The following PCDH9 variants were observed in gnomAD, a reference collection of about 807,000 sequenced individuals.
PCDH9 encodes protocadherin-9.
PCDH9 carries 24 observed loss-of-function variants against 70.6 expected under a neutral mutation model. The ratio of observed to expected loss-of-function variants is 0.34; its 90% confidence interval spans 0.25 to 0.48. The LOEUF is 0.48. PCDH9 is among the 20% of genes least tolerant of loss of function. The probability of loss-of-function intolerance (pLI) is 0.99; values close to 1 mark genes in which losing one functional copy is unlikely to be tolerated. For missense variants in PCDH9, 1,281 were observed against 1,503.6 expected (o/e 0.85, Z 2.45); for synonymous variants, 562 against 558.5 (o/e 1.01, Z -0.09).
In PCDH9 at chr13:66,631,340, G is replaced by A; in HGVS notation, c.3210C>T (p.Asp1070=). The change falls in exon 4 of 5, where the codon GAC becomes GAT. Residue 1070 remains aspartate (D), a synonymous_variant. Coordinates refer to ENST00000377865, the MANE Select transcript of PCDH9 (RefSeq NM_203487.3). ...QESCSDSGLG[D]HEPVGSGTLI... ...GGGTTCCACTACCCACCGGCTCATG[G>A]TCTCCTAGACCACTGTCACTGCAGC... is the stretch of plus-strand genomic sequence containing the variant. 6.2e-7 allele frequency: 1 copy of A among 1,609,786 alleles called. No homozygotes were observed. Among genetic ancestry groups the A allele is most frequent in the Non-Finnish European group, 8.5e-7 (1 of 1,176,082 alleles).
chr13:66,918,422 C>A (rs1007513343), intron 2 of PCDH9, among the ~76,000 whole-genome samples: 1 of 151,228 alleles, frequency 6.6e-6, no homozygotes, highest in Non-Finnish European at 1.5e-5. Context: ...ATAATTGTAA[C>A]ATTATACATT....
At chr13:66,981,437 CAAAA>C (rs372208244) in intron 2 of PCDH9, among the ~76,000 whole-genome samples, 3 of 78,814 alleles carry the variant, frequency 3.8e-5, no homozygotes, top group Non-Finnish European at 5.0e-5. Flanking sequence ...GACTCCCTCT[CAAAA>C]AAAAAAAAAA....
At chr13:66,555,921 A>T (rs1490168112) in intron 4 of PCDH9, among the ~76,000 whole-genome samples, 1 of 148,240 alleles carries the variant, frequency 6.7e-6, no homozygotes, top group Admixed American at 6.8e-5. Context: ...TACATATTAT[A>T]TACATAAGAT....
intron 2 of PCDH9, among the ~76,000 whole-genome samples, chr13:67,003,856 T>A (rs892623349): frequency 6.6e-6 from 1 of 152,192 alleles, no homozygotes; most frequent in Admixed American, 6.5e-5. Flanking sequence ...GCCTTTATTT[T>A]AAAAAATAGT....
intron 4 of PCDH9, among the ~76,000 whole-genome samples, chr13:66,623,251 C>T (rs1375612724): frequency 6.6e-6 from 1 of 152,240 alleles, no homozygotes; most frequent in Non-Finnish European, 1.5e-5. Context: ...ATTTCTCAAG[C>T]TTCTTAAAGA....
Position 67,009,955 on chromosome 13 carries a change from T to C in PCDH9, c.3037-106350A>G, listed in dbSNP as rs1000892772. Among the ~76,000 whole-genome samples the C allele has an allele frequency of 2.0e-5, 3 of 152,160 alleles. 1 individual carries two copies. Among genetic ancestry groups the C allele is most frequent in the South Asian group, 4.1e-4 (2 of 4,828 alleles). The stretch of plus-strand genomic sequence containing the variant: ...AATGTAAGGAGCATGTGACTGTCTC[T>C]AAAGAGTCCAAATATAAAATCCTTT... On this transcript the variant is annotated intron_variant, in intron 2 of 4. Coordinates refer to ENST00000377865, the MANE Select transcript of PCDH9 (RefSeq NM_203487.3).
chr13:67,002,619 G>A (rs2084267939), intron 2 of PCDH9, among the ~76,000 whole-genome samples: 1 of 151,110 alleles, frequency 6.6e-6, no homozygotes, highest in African/African-American at 2.4e-5. Context: ...AATGATCTCT[G>A]TTTTGTTTCC....
At chr13:66,689,388 C>T (rs1407870210) in intron 3 of PCDH9, among the ~76,000 whole-genome samples, 2 of 151,980 alleles carry the variant, frequency 1.3e-5, no homozygotes, top group East Asian at 1.9e-4. Context: ...ACAGCGTTGG[C>T]GGTGGAAACG....
chr13:66,404,881 G>C (rs1158646818), intron 4 of PCDH9, among the ~76,000 whole-genome samples: 1 of 151,940 alleles, frequency 6.6e-6, no homozygotes, highest in Non-Finnish European at 1.5e-5. Context: ...GGGAATTGTA[G>C]AAACATTCCT....
intron 4 of PCDH9, chr13:66,630,598 T>C (rs1593806538): frequency 1.3e-5 from 2 of 152,234 alleles, no homozygotes; most frequent in African/African-American, 4.8e-5. Flanking sequence ...TCCCTCAGCA[T>C]AGTAGTAAAA....
At chr13:66,633,527 G>A (rs2077598820) in intron 3 of PCDH9, among the ~76,000 whole-genome samples, 1 of 152,056 alleles carries the variant, frequency 6.6e-6, no homozygotes, top group South Asian at 2.1e-4. Context: ...GATAAAGACT[G>A]TACTAGGAAC....
At chr13:67,160,949 A>C (rs2087941371) in intron 2 of PCDH9, among the ~76,000 whole-genome samples, 1 of 152,254 alleles carries the variant, frequency 6.6e-6, no homozygotes, top group Non-Finnish European at 1.5e-5. Context: ...TCTGAAATGC[A>C]AGTAGCATGG....
chr13:66,987,716 ATAAT>A (rs1254242119), intron 2 of PCDH9, among the ~76,000 whole-genome samples: 4 of 151,900 alleles, frequency 2.6e-5, no homozygotes, highest in African/African-American at 9.7e-5. Context: ...TTTATTTTAA[ATAAT>A]AATTATCAGA....
intron 3 of PCDH9, among the ~76,000 whole-genome samples, chr13:66,862,160 A>T (rs1177838388): frequency 6.6e-6 from 1 of 152,222 alleles, no homozygotes; most frequent in Admixed American, 6.5e-5. Context: ...TCATTTAAAT[A>T]ATATGTTCTC....
At chr13:66,685,036 A>AG (rs2078380749) in intron 3 of PCDH9, among the ~76,000 whole-genome samples, 2 of 152,010 alleles carry the variant, frequency 1.3e-5, no homozygotes, top group Non-Finnish European at 2.9e-5. Flanking sequence ...AAAAGAAAAA[A>AG]AAAACATTTT....
At position 66,315,627 on chromosome 13, in the gene PCDH9, G is replaced by A. The variant is rs113854311; in HGVS notation, c.3341-10599C>T. ...CTCCTGAGTAGCTGGGATTAGAGGCGTGTGCCACCACGTCCAGCTAATTTT... is the reference window on the plus strand; with the variant it reads ...CTCCTGAGTAGCTGGGATTAGAGGCATGTGCCACCACGTCCAGCTAATTTT... On this transcript the variant is annotated intron_variant, in intron 4 of 4. Transcript: ENST00000377865. Among the ~76,000 whole-genome samples the A allele has an allele frequency of 9.5e-3, 1,451 of 152,248 alleles. 26 individuals carry two copies. The highest frequency in any genetic ancestry group is 0.033 in the African/African-American group (1,359 of 41,542).
At chr13:66,800,976 C>G (rs569549391) in intron 3 of PCDH9, among the ~76,000 whole-genome samples, 126 of 150,150 alleles carry the variant, frequency 8.4e-4, no homozygotes, top group Non-Finnish European at 1.4e-3. Flanking sequence ...TTTAGTTCAG[C>G]TCAAACCAAA....
chr13:66,600,377 A>C (rs2077151173), intron 4 of PCDH9, among the ~76,000 whole-genome samples: 1 of 151,872 alleles, frequency 6.6e-6, no homozygotes, highest in African/African-American at 2.4e-5. Context: ...CCAATTTTCA[A>C]CTATATTTTT....
chr13:66,486,442 G>A (rs546459118), intron 4 of PCDH9, among the ~76,000 whole-genome samples: 88 of 135,536 alleles, frequency 6.5e-4, no homozygotes, highest in African/African-American at 2.4e-3. Flanking sequence ...GGGTGACAGA[G>A]CTAGACCCTG....
Sources: gnomAD v4.1 joint callset for allele counts (sites outside exome capture counted in the v4.1 genomes callset) on GRCh38, gnomAD v4.1.1 for gene constraint, MANE v1.5 for transcripts, NCBI Gene and HGNC (gene_info 2026-07-23, HGNC 2026-07-21) for gene names.